SENP7: variants seen among roughly 807,000 people sequenced by gnomAD.
The protein encoded by SENP7 is SUMO specific peptidase 7.
In SENP7, 64 loss-of-function variants were observed where a neutral mutation model predicts 141.2. The ratio of observed to expected loss-of-function variants is 0.45; its 90% CI spans 0.37 to 0.56. SENP7 has a LOEUF of 0.56. Ranked by LOEUF, SENP7 falls within the 20% of genes least tolerant of loss-of-function variation. The probability of loss-of-function intolerance (pLI) is 0.00; values close to 1 mark genes in which losing one functional copy is unlikely to be tolerated. For synonymous variants in SENP7, 382 were observed against 426.4 expected (o/e 0.90, Z 1.28); for missense variants, 1,025 against 1,212.2 (o/e 0.85, Z 2.29).
rs1299986030 is a variant in SENP7 at position 101,324,397 on chromosome 3, GA to G, written c.*1545del. 6.6e-6 allele frequency: 1 copy of G among 151,952 alleles called. No individual in the cohort carries two copies. Among genetic ancestry groups the G allele is most frequent in the Non-Finnish European group, 1.5e-5 (1 of 67,934 alleles). The allele number at this position is 151,952 out of a possible 1,614,324, so 9.4% of individuals were successfully genotyped here. Reference sequence around the variant, plus strand: ...CATGATAAAGGACAGTGATATCTTTGAAAAACATACAAACAAAAACATTAAG... The same window carrying G: ...CATGATAAAGGACAGTGATATCTTTGAAAACATACAAACAAAAACATTAAG... On this transcript the variant is annotated 3_prime_UTR_variant, in exon 24 of 24. Transcript: ENST00000394095.
At chr3:101,472,675 CA>C (rs2064051950) in intron 3 of SENP7, among the ~76,000 whole-genome samples, 1 of 151,816 alleles carries the variant, frequency 6.6e-6, no homozygotes, top group Non-Finnish European at 1.5e-5. Flanking sequence ...TAAAAACCAC[CA>C]AATCATAAAG....
chr3:101,488,549 G>C (rs1349887539), intron 3 of SENP7, among the ~76,000 whole-genome samples: 1 of 152,124 alleles, frequency 6.6e-6, no homozygotes, highest in Non-Finnish European at 1.5e-5. Context: ...CAATAGAAAG[G>C]TTGACATGCA....
At chr3:101,410,393 G>A (rs1277708260) in intron 5 of SENP7, among the ~76,000 whole-genome samples, 1 of 152,126 alleles carries the variant, frequency 6.6e-6, no homozygotes, top group African/African-American at 2.4e-5. Context: ...ACTAAAAGTA[G>A]AACCACCATT....
At chr3:101,334,820 T>C (rs1014542858) in intron 17 of SENP7, among the ~76,000 whole-genome samples, 2 of 152,168 alleles carry the variant, frequency 1.3e-5, no homozygotes, top group Admixed American at 6.5e-5. Flanking sequence ...ATATTAGACA[T>C]AGAATGAGGC....
intron 19 of SENP7, among the ~76,000 whole-genome samples, chr3:101,331,196 G>A: frequency 6.6e-6 from 1 of 151,988 alleles, no homozygotes; most frequent in East Asian, 1.9e-4. Context: ...ATATCATGTT[G>A]TAGCCAGGTG....
intron 11 of SENP7, among the ~76,000 whole-genome samples, chr3:101,354,705 GTA>G (rs1268683043): frequency 6.6e-6 from 1 of 152,054 alleles, no homozygotes; most frequent in Non-Finnish European, 1.5e-5. Context: ...CAATTCACAT[GTA>G]TATGTCTTTA....
chr3:101,408,392 C>T (rs534888309), intron 5 of SENP7, among the ~76,000 whole-genome samples: 16 of 152,160 alleles, frequency 1.1e-4, no homozygotes, highest in South Asian at 2.1e-4. Context: ...TGACACTATT[C>T]GACAAGATAG....
At chr3:101,351,736 A>C (rs960191765) in intron 11 of SENP7, 85 bp from the exon 12 acceptor site, 1 of 1,029,026 alleles carries the variant, frequency 9.7e-7, no homozygotes, top group Middle Eastern at 2.3e-4. Context: ...TCACAAGTAC[A>C]TATTCAAAGT....
chr3:101,416,611 A>G (rs971560396), intron 5 of SENP7, among the ~76,000 whole-genome samples: 4 of 152,234 alleles, frequency 2.6e-5, no homozygotes, highest in African/African-American at 7.2e-5. Flanking sequence ...AGTGTTTTAG[A>G]AAATTAAATT....
chr3:101,449,461 G>C (rs1159582094), intron 4 of SENP7, among the ~76,000 whole-genome samples: 1 of 152,196 alleles, frequency 6.6e-6, no homozygotes, highest in Non-Finnish European at 1.5e-5. Flanking sequence ...GTTAAGGGCA[G>C]CCAGAGAGGA....
chr3:101,395,006 T>A (rs1197634353), intron 6 of SENP7, among the ~76,000 whole-genome samples: 2 of 152,236 alleles, frequency 1.3e-5, no homozygotes, highest in Non-Finnish European at 2.9e-5. Context: ...TGTTTATTTT[T>A]ACTGTTCAGT....
chr3:101,480,497 C>A (rs1003670574), intron 3 of SENP7, among the ~76,000 whole-genome samples: 7 of 152,068 alleles, frequency 4.6e-5, no homozygotes, highest in African/African-American at 1.7e-4. Context: ...GACCCCTATT[C>A]CTCACCATAT....
At chr3:101,369,666 T>C (rs2060126787) in intron 7 of SENP7, among the ~76,000 whole-genome samples, 2 of 152,172 alleles carry the variant, frequency 1.3e-5, no homozygotes, top group South Asian at 4.1e-4. Flanking sequence ...ACATAAATAT[T>C]ATACTACAGT....
At chr3:101,464,302 G>A (rs2063687426) in intron 3 of SENP7, among the ~76,000 whole-genome samples, 1 of 152,038 alleles carries the variant, frequency 6.6e-6, no homozygotes, top group African/African-American at 2.4e-5. Context: ...CCTAAAGCAG[G>A]AGTCCCTAAC....
chr3:101,343,863 A>G lies in SENP7; in HGVS notation c.1929T>C (p.Ser643=), dbSNP rs1393085548. ...AAAGCTCTAATTCTCCACTGATTAT[A>G]CTTATTTCCGTCATAATATCTTTCA... ...LKLKDIMTEI[S]IISGELELSY... The change falls in exon 14 of 24, where the codon AGT becomes AGC. Residue 643 remains serine (S), a synonymous_variant. Transcript: ENST00000394095. The G allele has an allele frequency of 6.2e-7, 1 of 1,613,508 alleles. No homozygotes were observed. The highest frequency in any genetic ancestry group is 1.1e-5 in the South Asian group (1 of 91,058).
chr3:101,447,564 C>T (rs1369335234), intron 4 of SENP7, among the ~76,000 whole-genome samples: 2 of 152,042 alleles, frequency 1.3e-5, no homozygotes, highest in African/African-American at 4.8e-5. Context: ...CTGAAAACCA[C>T]AAAACACTAT....
In SENP7 at chr3:101,436,605, T is replaced by C. The variant is rs769181494; in HGVS notation, c.285-18815A>G. 4.6e-5 allele frequency among the ~76,000 whole-genome samples: 7 copies of C among 151,382 alleles called. No homozygotes were observed. The East Asian group carries it at 1.4e-3, about 29-fold the overall frequency. On this transcript the variant is annotated intron_variant, in intron 4 of 23. Coordinates refer to ENST00000394095, the MANE Select transcript of SENP7 (RefSeq NM_020654.5). ...CAATCTAATAATGTGAGCAAAAAAATAGGCAAAAGATTTGAATAGATATTT... is the reference window on the plus strand; with the variant it reads ...CAATCTAATAATGTGAGCAAAAAAACAGGCAAAAGATTTGAATAGATATTT...
intron 1 of SENP7, among the ~76,000 whole-genome samples, chr3:101,504,811 G>C (rs1255558254): frequency 6.6e-6 from 1 of 152,176 alleles, no homozygotes. Context: ...TTGAGCCCAG[G>C]AGTTTGGGAC....
intron 7 of SENP7, among the ~76,000 whole-genome samples, chr3:101,368,502 C>A (rs1260577320): frequency 6.9e-6 from 1 of 145,514 alleles, no homozygotes; most frequent in Non-Finnish European, 1.5e-5. Context: ...CACATGTTCT[C>A]ACTCATAGGT....
Sources: gnomAD v4.1 joint callset for allele counts (sites outside exome capture counted in the v4.1 genomes callset) on GRCh38, gnomAD v4.1.1 for gene constraint, MANE v1.5 for transcripts, NCBI Gene and HGNC (gene_info 2026-07-23, HGNC 2026-07-21) for gene names.